The following AQP9 variants were observed in gnomAD, a reference collection of about 807,000 sequenced individuals.
The protein encoded by AQP9 is aquaporin-9.
Under a neutral mutation model 23.8 loss-of-function variants are expected in AQP9, and 19 were observed. That is an observed-to-expected ratio of 0.80 (90% CI 0.56 to 1.17). AQP9 has a LOEUF of 1.17. Among genes scored for constraint, AQP9 ranks in the 50% most tolerant of loss-of-function variants. The probability of loss-of-function intolerance (pLI) is 0.00; values close to 1 mark genes in which losing one functional copy is unlikely to be tolerated. For missense variants in AQP9, 413 were observed against 362.0 expected, an observed-to-expected ratio of 1.14 and a Z score of -1.14; for synonymous variants, 153 against 131.5, an observed-to-expected ratio of 1.16 and a Z score of -1.12.
intron 1 of AQP9, among the ~76,000 whole-genome samples, chr15:58,164,575 C>T (rs1898458229): frequency 6.6e-6 from 1 of 152,088 alleles, no homozygotes; most frequent in Non-Finnish European, 1.5e-5. Context: ...AATTGTTAGG[C>T]TATAAAATGG....
At chr15:58,156,812 C>A (rs1898271893) in intron 1 of AQP9, among the ~76,000 whole-genome samples, 1 of 152,144 alleles carries the variant, frequency 6.6e-6, no homozygotes, top group Non-Finnish European at 1.5e-5. Flanking sequence ...CTTCCAGATT[C>A]CCTAGCTCAG....
At chr15:58,148,503 T>G (rs1898089986) in intron 1 of AQP9, among the ~76,000 whole-genome samples, 1 of 152,292 alleles carries the variant, frequency 6.6e-6, no homozygotes, top group African/African-American at 2.4e-5. Flanking sequence ...TCTCCCAGGT[T>G]GAGAGTGACA....
At position 58,185,492 on chromosome 15, in the gene AQP9, C is replaced by G. The variant is rs1197816065; in HGVS notation, c.*1357C>G. 3 of 152,584 alleles carry G rather than the reference C, an allele frequency of 2.0e-5. No homozygotes were observed. The allele number at this position is 152,584 out of a possible 1,614,324, so 9.5% of individuals were successfully genotyped here. On this transcript the variant is annotated 3_prime_UTR_variant, in exon 6 of 6. Transcript: ENST00000219919. ...GCAATTTAATCATAACTTTCATTTG[C>G]TGAAAAACATTATGAGAAGGCCTCC...
chr15:58,168,249 T>C (rs1171466528), intron 2 of AQP9, among the ~76,000 whole-genome samples: 1 of 151,952 alleles, frequency 6.6e-6, no homozygotes, highest in Non-Finnish European at 1.5e-5. Context: ...CAGGCTGGTC[T>C]TGAACTCCTG....
chr15:58,162,480 C>T (rs1284724494), intron 1 of AQP9, among the ~76,000 whole-genome samples: 1 of 152,146 alleles, frequency 6.6e-6, no homozygotes, highest in Non-Finnish European at 1.5e-5. Context: ...GAACAAGCTG[C>T]CTAATGTGGT....
intron 1 of AQP9, among the ~76,000 whole-genome samples, chr15:58,157,715 A>G (rs1364068172): frequency 3.3e-5 from 5 of 152,158 alleles, no homozygotes; most frequent in Non-Finnish European, 4.4e-5. Flanking sequence ...GTTTAACTCT[A>G]CCTTTCACTC....
chr15:58,157,666 G>A (rs1429667271), intron 1 of AQP9, among the ~76,000 whole-genome samples: 1 of 152,166 alleles, frequency 6.6e-6, no homozygotes, highest in Non-Finnish European at 1.5e-5. Flanking sequence ...AAGACACTAT[G>A]AGGAGAGGAG....
At chr15:58,182,316 C>T (rs1444957865) in intron 5 of AQP9, among the ~76,000 whole-genome samples, 4 of 152,108 alleles carry the variant, frequency 2.6e-5, no homozygotes, top group African/African-American at 9.7e-5. Context: ...TGGCATCTCC[C>T]GAATCATAGT....
At position 58,184,328 on chromosome 15, in the gene AQP9, AC is replaced by A. The variant is rs1256813160; in HGVS notation, c.*198del. 1 of 458,298 alleles carries A rather than the reference AC, an allele frequency of 2.2e-6. No individual in the cohort carries two copies. Among genetic ancestry groups the A allele is most frequent in the Non-Finnish European group, 3.6e-6 (1 of 276,370 alleles). 28.4% of individuals were successfully genotyped at this position (458,298 alleles called of 1,614,324 possible). A position where few individuals can be genotyped will look rare whatever the true frequency, so the allele number is the denominator to read the frequency against. ...GACCACTTCTCTACCATTGTCCCCC[AC>A]CCCCACCCCCCAGAATAACGCTGAC... On this transcript the variant is annotated 3_prime_UTR_variant, in exon 6 of 6. Transcript: ENST00000219919.
rs563741485 is a variant in AQP9, at chr15:58,147,348, C to A, written c.111+8672C>A. 5.9e-5 allele frequency among the ~76,000 whole-genome samples: 9 copies of A among 152,194 alleles called. No homozygotes were observed. The South Asian group carries it at 1.9e-3, about 32-fold the overall frequency. Reference sequence around the variant, plus strand: ...AAGTTGGCCCTTATTTACTCATCAGCCCTGTGAAAGTGACCTAACAACCCA... The same window carrying A: ...AAGTTGGCCCTTATTTACTCATCAGACCTGTGAAAGTGACCTAACAACCCA... On this transcript the variant is annotated intron_variant, in intron 1 of 5. Coordinates refer to ENST00000219919, the MANE Select transcript of AQP9 (RefSeq NM_020980.5).
intron 1 of AQP9, among the ~76,000 whole-genome samples, chr15:58,154,624 T>C (rs1050516671): frequency 3.3e-5 from 5 of 152,052 alleles, no homozygotes; most frequent in Non-Finnish European, 7.4e-5. Flanking sequence ...CCAACTCTGT[T>C]AATAATCCTA....
intron 2 of AQP9, among the ~76,000 whole-genome samples, chr15:58,171,030 T>C (rs1898608762): frequency 6.6e-6 from 1 of 151,874 alleles, no homozygotes; most frequent in South Asian, 2.1e-4. Flanking sequence ...GTTCAAGCAA[T>C]TCTCCTGCCT....
intron 1 of AQP9, among the ~76,000 whole-genome samples, chr15:58,139,569 T>A (rs1032256631): frequency 1.3e-5 from 2 of 152,240 alleles, no homozygotes; most frequent in African/African-American, 4.8e-5. Context: ...ACTCCAGGTA[T>A]AAATAATTTC....
chr15:58,148,833 T>C (rs1425246567), intron 1 of AQP9, among the ~76,000 whole-genome samples: 2 of 152,128 alleles, frequency 1.3e-5, no homozygotes, highest in Non-Finnish European at 2.9e-5. Context: ...TGGTGCTTTT[T>C]TCTACTTGGA....
intron 3 of AQP9, among the ~76,000 whole-genome samples, 196 bp downstream of exon 3, chr15:58,173,401 A>G (rs1898668074): frequency 6.6e-6 from 1 of 152,174 alleles, no homozygotes; most frequent in Non-Finnish European, 1.5e-5. Flanking sequence ...AAATGGTCAT[A>G]TCTTAAATGG....
chr15:58,178,021 A>G (rs1442562917), intron 4 of AQP9, among the ~76,000 whole-genome samples: 3 of 152,286 alleles, frequency 2.0e-5, no homozygotes, highest in Middle Eastern at 6.8e-3. Context: ...TTTTCTTGTC[A>G]TTATTCCCTA....
At position 58,170,032 on chromosome 15, in the gene AQP9, C is replaced by T. The variant is rs139820747; in HGVS notation, c.239-3036C>T. Among the ~76,000 whole-genome samples, 6 of 152,224 alleles carry T rather than the reference C, an allele frequency of 3.9e-5. No homozygotes were observed. In the East Asian group the frequency reaches 9.7e-4, roughly 24 times the overall value. ...GTGCCCTGTGGGATCCAGCTGTGCC[C>T]GCGGGCCCTTTATGTGAATAATCTG... On this transcript the variant is annotated intron_variant, in intron 2 of 5. Transcript: ENST00000219919.
chr15:58,167,267 G>C (rs1938241349), intron 2 of AQP9, among the ~76,000 whole-genome samples: 1 of 152,158 alleles, frequency 6.6e-6, no homozygotes, highest in African/African-American at 2.4e-5. Context: ...CAAGGTCTTA[G>C]TCTAATCCTG....
In AQP9 at chr15:58,176,534, C is replaced by T. The variant is rs749125124; in HGVS notation, c.495+1498C>T. Among the ~76,000 whole-genome samples the T allele has an allele frequency of 8.6e-5, 13 of 151,294 alleles. No homozygotes were observed. In the South Asian group the frequency reaches 1.5e-3, roughly 17 times the overall value. Reference sequence around the variant, plus strand: ...AATTAGATAGGAAACTGGAGTATAGCGACCATATTATAATAGAAATTTGAA... The same window carrying T: ...AATTAGATAGGAAACTGGAGTATAGTGACCATATTATAATAGAAATTTGAA... On this transcript the variant is annotated intron_variant, in intron 4 of 5. Coordinates refer to ENST00000219919, the MANE Select transcript of AQP9 (RefSeq NM_020980.5).
Sources: allele counts gnomAD v4.1 joint callset (sites outside exome capture counted in the v4.1 genomes callset), GRCh38; gene constraint gnomAD v4.1.1; transcripts MANE v1.5; gene names NCBI Gene and HGNC (gene_info 2026-07-23, HGNC 2026-07-21).